MYO9A: variants seen among roughly 807,000 people sequenced by gnomAD.
MYO9A encodes unconventional myosin-IXa.
Under a neutral mutation model 293.3 loss-of-function variants are expected in MYO9A, and 103 were observed. The ratio of observed to expected loss-of-function variants is 0.35; its 90% CI spans 0.30 to 0.41. The LOEUF (loss-of-function observed/expected upper bound fraction) is 0.41. Among genes scored for constraint, MYO9A ranks in the 10% least tolerant of loss-of-function variants. The probability of loss-of-function intolerance (pLI) is 1.00; values close to 1 mark genes in which losing one functional copy is unlikely to be tolerated. For synonymous variants in MYO9A, 1,001 were observed against 1,035.7 expected (o/e 0.97, Z 0.64); for missense variants, 2,685 against 3,033.0 (o/e 0.89, Z 2.69).
intron 3 of MYO9A, among the ~76,000 whole-genome samples, chr15:72,028,386 A>G (rs893731975): frequency 6.6e-6 from 1 of 151,228 alleles, no homozygotes; most frequent in African/African-American, 2.4e-5. Context: ...AGTGGCTCAC[A>G]CCTGTAATCC....
intron 34 of MYO9A, among the ~76,000 whole-genome samples, chr15:71,859,159 A>C (rs1299201928): frequency 6.6e-6 from 1 of 152,232 alleles, no homozygotes; most frequent in Non-Finnish European, 1.5e-5. Flanking sequence ...TCAGATTTGC[A>C]TGCTATTGTA....
chr15:72,048,357 C>G (rs1269275045), intron 1 of MYO9A, among the ~76,000 whole-genome samples: 1 of 151,348 alleles, frequency 6.6e-6, no homozygotes, highest in Non-Finnish European at 1.5e-5. Flanking sequence ...TGAGGTCGCA[C>G]CCCTACACTC....
At chr15:71,925,274 C>CGTATATGTACAT (rs1567278337) in intron 18 of MYO9A, among the ~76,000 whole-genome samples, 6 of 149,350 alleles carry the variant, frequency 4.0e-5, no homozygotes, top group African/African-American at 1.5e-4. Flanking sequence ...TACATATATA[C>CGTATATGTACAT]ATATACGTAT....
At chr15:71,892,870 T>G in intron 26 of MYO9A, 1 of 775,900 alleles carries the variant, frequency 1.3e-6, no homozygotes, top group Non-Finnish European at 1.8e-6. Context: ...CACAAACCAT[T>G]ACATGGGAAG....
chr15:72,008,589 T>C (rs1301166149), intron 7 of MYO9A, among the ~76,000 whole-genome samples: 1 of 151,814 alleles, frequency 6.6e-6, no homozygotes, highest in Non-Finnish European at 1.5e-5. Context: ...CGTTATAAAT[T>C]TCCCTCCTGA....
chr15:72,021,675 C>T (rs1406153484), intron 4 of MYO9A, among the ~76,000 whole-genome samples: 8 of 152,096 alleles, frequency 5.3e-5, no homozygotes, highest in African/African-American at 1.9e-4. Context: ...CGCTGAACAG[C>T]CTACTTCCTA....
At chr15:71,858,708 G>A (rs2055973825) in intron 34 of MYO9A, 1 of 114,010 alleles carries the variant, frequency 8.8e-6, no homozygotes. Context: ...CCTGTCGTGG[G>A]GTGGGGGGAG....
Position 71,971,397 on chromosome 15 carries a change from C to A in MYO9A, c.1845-3272G>T, listed in dbSNP as rs1330503940. ...CCCAGGAGTTTGAGACCAGCCTGGG[C>A]AACAAAGTTGACTCCTTGTCTCTAA... On this transcript the variant is annotated intron_variant, in intron 12 of 41. Transcript: ENST00000356056. Among the ~76,000 whole-genome samples, 20 of 151,836 alleles carry A rather than the reference C, an allele frequency of 1.3e-4. 1 individual carries two copies. In the East Asian group the frequency reaches 3.5e-3, roughly 27 times the overall value.
At chr15:71,840,676 C>A (rs2055120501) in intron 39 of MYO9A, among the ~76,000 whole-genome samples, 2 of 152,176 alleles carry the variant, frequency 1.3e-5, no homozygotes, top group Non-Finnish European at 2.9e-5. Flanking sequence ...GTCGCCCAGG[C>A]TGGAGTGCAG....
At chr15:71,857,683 A>G (rs1385146824) in intron 34 of MYO9A, among the ~76,000 whole-genome samples, 1 of 149,378 alleles carries the variant, frequency 6.7e-6, no homozygotes, top group Non-Finnish European at 1.5e-5. Context: ...GTTTGTATCG[A>G]CAGTTTTTTT....
intron 13 of MYO9A, among the ~76,000 whole-genome samples, chr15:71,963,931 G>A (rs867675910): frequency 6.6e-6 from 1 of 152,168 alleles, no homozygotes; most frequent in Admixed American, 6.5e-5. Flanking sequence ...TTCCTCTGTG[G>A]AAAAGTTCTG....
Position 71,906,758 on chromosome 15 carries a change from C to CT in MYO9A, c.2686-1753dup, listed in dbSNP as rs71131714. 2.2e-3 allele frequency among the ~76,000 whole-genome samples: 134 copies of CT among 61,038 alleles called. 3 individuals are homozygous for CT. Among genetic ancestry groups the CT allele is most frequent in the East Asian group, 0.011 (33 of 2,894 alleles). The allele number at this position is 61,038 out of a possible 152,430, so 40.0% of individuals were successfully genotyped here. ...CCAATCAGATAATATCCATTTCTTT[C>CT]TTTTTTTTTTTTTTTTTTTTCCTGA... On this transcript the variant is annotated intron_variant, in intron 19 of 41. Coordinates refer to ENST00000356056, the MANE Select transcript of MYO9A (RefSeq NM_006901.4).
Position 71,861,409 on chromosome 15 carries a change from A to C in MYO9A, c.6091+1091T>G, listed in dbSNP as rs74246987. On this transcript the variant is annotated intron_variant, in intron 33 of 41. Coordinates refer to ENST00000356056, the MANE Select transcript of MYO9A (RefSeq NM_006901.4). ...GCCAGAACCAAGTTGATCTACAAAG[A>C]ATCTCTACTCACGTTTTAGGATTTA... Among the ~76,000 whole-genome samples the C allele has an allele frequency of 1.1e-4, 16 of 150,558 alleles. 1 individual carries two copies. In the East Asian group the frequency reaches 2.9e-3, roughly 27 times the overall value.
Position 71,826,668 on chromosome 15 carries a change from A to G in MYO9A, c.7559T>C (p.Val2520Ala). ...QKTKETPEGTVMSGRRKTVDP... is the reference protein window; with the variant it reads ...QKTKETPEGTAMSGRRKTVDP... Reference sequence around the variant, plus strand: ...CACAGTTTTTCTGCGGCCAGACATGACTGTCCCCTCTGGGGTCTCTTTGGT... The same window carrying G: ...CACAGTTTTTCTGCGGCCAGACATGGCTGTCCCCTCTGGGGTCTCTTTGGT... The change falls in exon 42 of 42, where the codon GTC becomes GCC. Residue 2520 changes from valine to alanine, a missense_variant. Physicochemically the swap from Val to Ala is moderately conservative, Grantham distance 64. This residue lies in a region of MYO9A where 350 missense variants were observed against 328.9 expected (regional missense o/e 1.06). Coordinates refer to ENST00000356056, the MANE Select transcript of MYO9A (RefSeq NM_006901.4). 1.2e-6 allele frequency: 2 copies of G among 1,613,992 alleles called. No individual in the cohort carries two copies. Among genetic ancestry groups the G allele is most frequent in the Non-Finnish European group, 1.7e-6 (2 of 1,179,952 alleles).
At chr15:71,879,135 A>C (rs1323323499) in intron 30 of MYO9A, among the ~76,000 whole-genome samples, 1 of 152,196 alleles carries the variant, frequency 6.6e-6, no homozygotes, top group Non-Finnish European at 1.5e-5. Flanking sequence ...TGAAAAGCCA[A>C]TAAAATATGA....
At chr15:71,997,254 C>T (rs1032328958) in intron 9 of MYO9A, among the ~76,000 whole-genome samples, 2 of 151,982 alleles carry the variant, frequency 1.3e-5, no homozygotes, top group African/African-American at 2.4e-5. Context: ...CCCCATAGTA[C>T]CCCTAATGCT....
chr15:71,965,661 C>G, intron 13 of MYO9A, among the ~76,000 whole-genome samples: 1 of 152,152 alleles, frequency 6.6e-6, no homozygotes, highest in Non-Finnish European at 1.5e-5. Flanking sequence ...ATCGCTTAAA[C>G]CTGGAGGGCG....
intron 28 of MYO9A, 58 bp downstream of exon 28, chr15:71,883,536 T>A (rs2056934954): frequency 2.1e-5 from 33 of 1,554,156 alleles, no homozygotes; most frequent in Admixed American, 3.8e-5. Context: ...AATAGCAAAC[T>A]TTCAGAAAGA....
In MYO9A at chr15:71,840,790, C is replaced by T. The variant is rs569318458; in HGVS notation, c.6837+8055G>A. 4.6e-5 allele frequency among the ~76,000 whole-genome samples: 7 copies of T among 152,190 alleles called. No homozygotes were observed. In the East Asian group the frequency reaches 7.7e-4, roughly 17 times the overall value. On this transcript the variant is annotated intron_variant, in intron 39 of 41. Transcript: ENST00000356056. Reference sequence around the variant, plus strand: ...GACTACAGGCGCCTGCCACCATGCCCGGCTAATTTTTTTGTATTTTTTAGT... The same window carrying T: ...GACTACAGGCGCCTGCCACCATGCCTGGCTAATTTTTTTGTATTTTTTAGT...
Sources: allele counts gnomAD v4.1 joint callset (sites outside exome capture counted in the v4.1 genomes callset), GRCh38; gene constraint gnomAD v4.1.1; regional missense constraint gnomAD v4.1.1; transcripts MANE v1.5; gene names NCBI Gene and HGNC (gene_info 2026-07-23, HGNC 2026-07-21).